Variants in NRXN1 observed in about 807,000 individuals in gnomAD.
The protein encoded by NRXN1 is neurexin-1.
Under a neutral mutation model 150.9 loss-of-function variants are expected in NRXN1, and 39 were observed. The observed-to-expected ratio is 0.26, with a 90% CI of 0.20 to 0.34. NRXN1 has a LOEUF of 0.34. Ranked by LOEUF, NRXN1 falls within the 10% of genes least tolerant of loss-of-function variation. NRXN1 has a pLI of 1.00. For synonymous variants in NRXN1, 924 were observed against 757.0 expected, an observed-to-expected ratio of 1.22 and a Z score of -3.62; for missense variants, 1,815 against 1,949.9, an observed-to-expected ratio of 0.93 and a Z score of 1.30.
chr2:50,771,060 A>G (rs953549089), intron 5 of NRXN1, among the ~76,000 whole-genome samples: 2 of 152,104 alleles, frequency 1.3e-5, no homozygotes, highest in African/African-American at 4.8e-5. Context: ...AGGCCATAGT[A>G]TCATCAGAGG....
intron 5 of NRXN1, among the ~76,000 whole-genome samples, chr2:50,881,959 G>C (rs747015721): frequency 2.2e-4 from 34 of 151,562 alleles, no homozygotes; most frequent in Non-Finnish European, 4.9e-4. Context: ...CAATTGAAGG[G>C]GGAGGGAGCG....
At chr2:50,367,254 C>T (rs999808085) in intron 17 of NRXN1, among the ~76,000 whole-genome samples, 6 of 151,930 alleles carry the variant, frequency 3.9e-5, no homozygotes, top group Non-Finnish European at 8.8e-5. Context: ...CACCTATAGT[C>T]CCCTTCTTAA....
At chr2:50,481,825 G>A (rs2090486566) in intron 15 of NRXN1, among the ~76,000 whole-genome samples, 1 of 112,314 alleles carries the variant, frequency 8.9e-6, no homozygotes. Context: ...GAGTGCAGTG[G>A]CGGGATCTCG....
At chr2:50,702,925 C>A (rs858932) in intron 5 of NRXN1, among the ~76,000 whole-genome samples, 2 of 151,848 alleles carry the variant, frequency 1.3e-5, no homozygotes, top group East Asian at 1.9e-4. Context: ...TCAGGATGCC[C>A]TTTTTGTTTT....
intron 5 of NRXN1, among the ~76,000 whole-genome samples, chr2:50,856,304 CACTT>C (rs1334504342): frequency 6.6e-6 from 1 of 152,028 alleles, no homozygotes; most frequent in East Asian, 1.9e-4. Context: ...GATCATTTCT[CACTT>C]ACTGGTATTA....
intron 8 of NRXN1, among the ~76,000 whole-genome samples, chr2:50,583,007 C>G (rs373642866): frequency 6.6e-6 from 1 of 151,900 alleles, no homozygotes; most frequent in South Asian, 2.1e-4. Flanking sequence ...CTCTCTGATC[C>G]CATTATTCAT....
chr2:50,649,572 G>T lies in NRXN1; in HGVS notation c.833-25957C>A, dbSNP rs868432590. ...TGGTTGGTTTTGCTTCTTATTGTCT[G>T]TTACCCCCTCTTTGCTTGAGGGTGG... On this transcript the variant is annotated intron_variant, in intron 5 of 22. Transcript: ENST00000401669. Among the ~76,000 whole-genome samples, 6 of 152,050 alleles carry T rather than the reference G, an allele frequency of 3.9e-5. No homozygotes were observed. The Middle Eastern group carries it at 0.017, about 431-fold the overall frequency.
chr2:50,742,359 T>C (rs1280416842), intron 5 of NRXN1, among the ~76,000 whole-genome samples: 1 of 151,804 alleles, frequency 6.6e-6, no homozygotes, highest in Non-Finnish European at 1.5e-5. Flanking sequence ...TGGTTTGCTT[T>C]ACAGAAACCC....
chr2:50,685,035 T>A (rs547590133), intron 5 of NRXN1, among the ~76,000 whole-genome samples: 2 of 152,206 alleles, frequency 1.3e-5, no homozygotes, highest in Non-Finnish European at 2.9e-5. Context: ...TTTCATAATA[T>A]GACTTTCCAA....
intron 21 of NRXN1, among the ~76,000 whole-genome samples, chr2:50,041,050 C>T (rs931141411): frequency 2.0e-5 from 3 of 152,040 alleles, no homozygotes; most frequent in Non-Finnish European, 2.9e-5. Flanking sequence ...AAAATAATAA[C>T]AGCTATCTAT....
chr2:50,981,457 C>CAAAAAAAAAAAAAAAAAA (rs70958635), intron 2 of NRXN1, among the ~76,000 whole-genome samples: 1 of 23,272 alleles, frequency 4.3e-5, no homozygotes, highest in African/African-American at 1.8e-4. Context: ...AACTCTATCT[C>CAAAAAAAAAAAAAAAAAA]AAAAAAAAAA....
intron 17 of NRXN1, among the ~76,000 whole-genome samples, chr2:50,397,907 T>C (rs960533416): frequency 1.3e-5 from 2 of 152,124 alleles, no homozygotes; most frequent in African/African-American, 4.8e-5. Flanking sequence ...GACCAACAAA[T>C]ACAGTAAAAT....
At chr2:50,280,351 GATT>G (rs1289084008) in intron 17 of NRXN1, among the ~76,000 whole-genome samples, 2 of 151,262 alleles carry the variant, frequency 1.3e-5, no homozygotes, top group Non-Finnish European at 2.9e-5. Context: ...TTTATGAAAT[GATT>G]ATTAATAAGA....
intron 5 of NRXN1, among the ~76,000 whole-genome samples, chr2:50,837,123 G>C (rs1464727868): frequency 6.6e-6 from 1 of 151,976 alleles, no homozygotes; most frequent in Non-Finnish European, 1.5e-5. Context: ...AAAACACAAT[G>C]CCTGCTACTT....
At chr2:50,132,309 T>G (rs1228808422) in intron 18 of NRXN1, among the ~76,000 whole-genome samples, 1 of 103,842 alleles carries the variant, frequency 9.6e-6, no homozygotes, top group Non-Finnish European at 2.0e-5. Context: ...CAAAACTCTT[T>G]TTTTTTTTTT....
intron 18 of NRXN1, among the ~76,000 whole-genome samples, chr2:50,123,370 T>C (rs1704128921): frequency 6.6e-6 from 1 of 152,184 alleles, no homozygotes; most frequent in Non-Finnish European, 1.5e-5. Flanking sequence ...AAGGAAAGAC[T>C]ACATAGAAAG....
intron 21 of NRXN1, among the ~76,000 whole-genome samples, chr2:50,011,154 T>C (rs146672784): frequency 2.6e-5 from 4 of 152,304 alleles, no homozygotes; most frequent in African/African-American, 9.6e-5. Flanking sequence ...AGACCTGATA[T>C]AGTTCTTGAT....
chr2:50,287,682 T>C (rs1468786576), intron 17 of NRXN1, among the ~76,000 whole-genome samples: 1 of 152,200 alleles, frequency 6.6e-6, no homozygotes, highest in Non-Finnish European at 1.5e-5. Context: ...TCTGTTTCCA[T>C]ATTTTATGAT....
chr2:50,268,165 G>A (rs1224072990), intron 17 of NRXN1, among the ~76,000 whole-genome samples: 1 of 152,070 alleles, frequency 6.6e-6, no homozygotes, highest in African/African-American at 2.4e-5. Context: ...ACTTCAGCAT[G>A]GGTGACAGTG....
Sources: allele counts gnomAD v4.1 joint callset (sites outside exome capture counted in the v4.1 genomes callset), GRCh38; gene constraint gnomAD v4.1.1; transcripts MANE v1.5; gene names NCBI Gene and HGNC (gene_info 2026-07-23, HGNC 2026-07-21).